The following HMX1 variants were observed in gnomAD, a reference collection of about 807,000 sequenced individuals.
HMX1 encodes the protein homeobox protein HMX1.
In HMX1, 8 loss-of-function variants were observed where a neutral mutation model predicts 8.9. The ratio of observed to expected loss-of-function variants is 0.90; its 90% CI spans 0.53 to 1.63. The LOEUF (loss-of-function observed/expected upper bound fraction) is 1.63. Ranked by LOEUF, HMX1 falls within the 40% of genes most tolerant of loss-of-function variation. HMX1 has a pLI of 0.00. For missense variants in HMX1, 621 were observed against 558.5 expected, an observed-to-expected ratio of 1.11 and a Z score of -1.13; for synonymous variants, 311 against 283.4, an observed-to-expected ratio of 1.10 and a Z score of -0.98.
rs944225993 is a variant in HMX1, at chr4:8,871,152, C to T, written c.394+69G>A. ...AACGGGCGGCGACGAGCCCGAAGTC[C>T]CCCAGCAAATGCGCAGGGAGGAAGT... is the stretch of plus-strand genomic sequence containing the variant. On this transcript the variant is annotated intron_variant, in intron 1 of 1. Coordinates refer to ENST00000400677, the MANE Select transcript of HMX1 (RefSeq NM_018942.3). The surrounding 1 kb of genome is among the most constrained non-coding windows in gnomAD (Gnocchi z 4.8). The T allele has an allele frequency of 7.7e-7, 1 of 1,296,788 alleles. No homozygotes were observed. Among genetic ancestry groups the T allele is most frequent in the Non-Finnish European group, 9.9e-7 (1 of 1,014,772 alleles). The allele number at this position is 1,296,788 out of a possible 1,614,324, so 80.3% of individuals were successfully genotyped here.
intron 1 of HMX1, chr4:8,858,586 C>T (rs1721690469): frequency 6.6e-6 from 1 of 152,162 alleles, no homozygotes; most frequent in Non-Finnish European, 1.5e-5. Flanking sequence ...GTCCCCTCGC[C>T]CGGACGTCAT....
rs1722168562 is a variant in HMX1, at chr4:8,870,261, G to A, written c.394+960C>T. ...GGCTAAGCCAGGGCTTGGGGGGTTGGACTGGCTTTCCTGGCCTTCCTCCCA... is the reference window on the plus strand; with the variant it reads ...GGCTAAGCCAGGGCTTGGGGGGTTGAACTGGCTTTCCTGGCCTTCCTCCCA... On this transcript the variant is annotated intron_variant, in intron 1 of 1. Transcript: ENST00000400677. The surrounding 1 kb of genome is among the most constrained non-coding windows in gnomAD (Gnocchi z 4.4). 1.3e-5 allele frequency among the ~76,000 whole-genome samples: 2 copies of A among 152,098 alleles called. No individual in the cohort carries two copies. Among genetic ancestry groups the A allele is most frequent in the South Asian group, 2.1e-4 (1 of 4,820 alleles).
In HMX1 at chr4:8,853,853, C is replaced by CA. The variant is rs369098152; in HGVS notation, c.395-7530dup. ...GGGCAACAAGAGCAAAATTCCATCT[C>CA]AAAAAAAAGGGGGGCGGGGGAAGAA... On this transcript the variant is annotated intron_variant, in intron 1 of 1. Transcript: ENST00000506970. This position sits in a 1 kb window ranked among gnomAD's most constrained non-coding sequence, Gnocchi z 4.7. Among the ~76,000 whole-genome samples, 3 of 151,134 alleles carry CA rather than the reference C, an allele frequency of 2.0e-5. No individual in the cohort carries two copies. The highest frequency in any genetic ancestry group is 1.9e-4 in the East Asian group (1 of 5,156).
Position 8,847,928 on chromosome 4 carries a change from T to TA in HMX1, c.395-1605dup, listed in dbSNP as rs1721325980. 6.6e-6 allele frequency among the ~76,000 whole-genome samples: 1 copy of TA among 152,162 alleles called. No homozygotes were observed. The highest frequency in any genetic ancestry group is 2.1e-4 in the South Asian group (1 of 4,826). ...TGAACTGGAATCAACGAGCCCCCTA[T>TA]ACTCCAGGCTTTACGGTAACTGGAA... is the stretch of plus-strand genomic sequence containing the variant. On this transcript the variant is annotated intron_variant, in intron 1 of 1. Coordinates refer to the HMX1 transcript ENST00000506970. The surrounding 1 kb of genome is among the most constrained non-coding windows in gnomAD (Gnocchi z 6.0).
intron 1 of HMX1, among the ~76,000 whole-genome samples, chr4:8,869,317 G>T (rs1403434466): frequency 6.6e-6 from 1 of 152,224 alleles, no homozygotes; most frequent in African/African-American, 2.4e-5. Context: ...CCAGATTGAA[G>T]AGGGCAGCAG....
At chr4:8,855,122 T>A (rs535444849) in intron 1 of HMX1, among the ~76,000 whole-genome samples, 1 of 152,192 alleles carries the variant, frequency 6.6e-6, no homozygotes, top group Admixed American at 6.5e-5. Flanking sequence ...GCAGTCCCTC[T>A]CCCCCGTGGA....
At chr4:8,863,306 G>A (rs1391159364), downstream of HMX1, among the ~76,000 whole-genome samples, 6 of 152,196 alleles carry the variant, frequency 3.9e-5, no homozygotes, top group Non-Finnish European at 8.8e-5. Context: ...TGCAAGGTGG[G>A]GCGGAAGGCC....
intron 1 of HMX1, among the ~76,000 whole-genome samples, chr4:8,850,636 C>T (rs1721417409): frequency 6.6e-6 from 1 of 152,226 alleles, no homozygotes; most frequent in Non-Finnish European, 1.5e-5. Context: ...CCCCATCCCA[C>T]CTCCTACCTG....
rs1302502286 is a variant in HMX1, at chr4:8,847,641, G to A, written c.395-1317C>T. On this transcript the variant is annotated intron_variant, in intron 1 of 1. Transcript: ENST00000506970. The surrounding 1 kb of genome is among the most constrained non-coding windows in gnomAD (Gnocchi z 6.0). ...CAGGGCCAAGGGCTCCCAGGTCACA[G>A]ATGTGGAAACAGCCTCCCGTGGAGC... Among the ~76,000 whole-genome samples, 1 of 152,228 alleles carries A rather than the reference G, an allele frequency of 6.6e-6. No individual in the cohort carries two copies. The highest frequency in any genetic ancestry group is 1.5e-5 in the Non-Finnish European group (1 of 68,042).
At position 8,853,658 on chromosome 4, in the gene HMX1, C is replaced by A. The variant is rs1168426358; in HGVS notation, c.395-7334G>T. ...CCTGAGGTCAGGAGTTCAAGACCAG[C>A]CTGACCAATATGATGAAACCCCGTC... On this transcript the variant is annotated intron_variant, in intron 1 of 1. Transcript: ENST00000506970. The surrounding 1 kb of genome is among the most constrained non-coding windows in gnomAD (Gnocchi z 4.7). Among the ~76,000 whole-genome samples the A allele has an allele frequency of 6.6e-6, 1 of 152,138 alleles. No homozygotes were observed. The highest frequency in any genetic ancestry group is 1.5e-5 in the Non-Finnish European group (1 of 68,026).
At chr4:8,864,137 T>C (rs1721917485), downstream of HMX1, among the ~76,000 whole-genome samples, 1 of 152,160 alleles carries the variant, frequency 6.6e-6, no homozygotes, top group African/African-American at 2.4e-5. Flanking sequence ...CCCTGGGAGC[T>C]GGGGAGGGAT....
rs200998374 is a variant in HMX1 at position 8,849,652 on chromosome 4, G to GT, written c.395-3329dup. On this transcript the variant is annotated intron_variant, in intron 1 of 1. Transcript: ENST00000506970. The surrounding 1 kb of genome is among the most constrained non-coding windows in gnomAD (Gnocchi z 6.6). ...ACACACGCAGGGCAGCTCTCCTGGGGTCCCCCCGGCCCCAGCGTGCGGTCT... is the reference window on the plus strand; with the variant it reads ...ACACACGCAGGGCAGCTCTCCTGGGGTTCCCCCCGGCCCCAGCGTGCGGTCT... Among the ~76,000 whole-genome samples, 1,593 of 152,324 alleles carry GT rather than the reference G, an allele frequency of 0.01. 33 individuals are homozygous for GT. Among genetic ancestry groups the GT allele is most frequent in the South Asian group, 0.08 (385 of 4,832 alleles).
intron 1 of HMX1, among the ~76,000 whole-genome samples, chr4:8,861,440 AAGTAGGG>A (rs1721814921): frequency 6.6e-6 from 1 of 152,092 alleles, no homozygotes; most frequent in South Asian, 2.1e-4. Flanking sequence ...GGCCGGTCAG[AAGTAGGG>A]AGAATCACGC....
chr4:8,863,068 A>T (rs553191261), downstream of HMX1, among the ~76,000 whole-genome samples: 5 of 151,934 alleles, frequency 3.3e-5, no homozygotes, highest in African/African-American at 1.2e-4. Context: ...CCCACTTCCC[A>T]GCGGGACCCT....
At chr4:8,851,886 T>G (rs1310385119) in intron 1 of HMX1, among the ~76,000 whole-genome samples, 1 of 152,198 alleles carries the variant, frequency 6.6e-6, no homozygotes, top group Non-Finnish European at 1.5e-5. Context: ...CCTCCGCTCA[T>G]GCCCCGAGGC....
In HMX1 at chr4:8,846,345, G is replaced by A. The variant is rs548571924; in HGVS notation, c.395-21C>T. The A allele has an allele frequency of 5.9e-6, 9 of 1,517,596 alleles. No homozygotes were observed. The African/African-American group carries it at 9.6e-5, about 16-fold the overall frequency. The allele number at this position is 1,517,596 out of a possible 1,614,324, so 94.0% of individuals were successfully genotyped here. A position where few individuals can be genotyped will look rare whatever the true frequency, so the allele number is the denominator to read the frequency against. On this transcript the variant is annotated intron_variant, in intron 1 of 1. Coordinates refer to the HMX1 transcript ENST00000506970. ...TGTGCCTGCAGGGGAGAAAAACCAG[G>A]TATTGGGAGCACTAGTCATGTCTGC...
In HMX1 at chr4:8,867,904, A is replaced by G. The variant is rs1471225245; in HGVS notation, c.836T>C (p.Leu279Pro). The G allele has an allele frequency of 7.1e-7, 1 of 1,404,502 alleles. No individual in the cohort carries two copies. The highest frequency in any genetic ancestry group is 9.3e-7 in the Non-Finnish European group (1 of 1,077,686). The allele number at this position is 1,404,502 out of a possible 1,614,324, so 87.0% of individuals were successfully genotyped here. A position where few individuals can be genotyped will look rare whatever the true frequency, so the allele number is the denominator to read the frequency against. ...ASLSPPGAQR[L>P]VRVPVLYHES... is the part of the protein sequence containing the mutation. ...GTGGTAGAGCACCGGCACGCGGACCAGGCGCTGCGCTCCCGGCGGGGACAG... is the reference window on the plus strand; with the variant it reads ...GTGGTAGAGCACCGGCACGCGGACCGGGCGCTGCGCTCCCGGCGGGGACAG... The change falls in exon 2 of 2, where the codon CTG becomes CCG. Residue 279 changes from leucine to proline, a missense_variant. Leu to Pro is a moderately conservative substitution (Grantham distance 98). Transcript: ENST00000400677.
At chr4:8,846,785 C>T (rs1053701560) in intron 1 of HMX1, among the ~76,000 whole-genome samples, 1 of 152,216 alleles carries the variant, frequency 6.6e-6, no homozygotes, top group African/African-American at 2.4e-5. Flanking sequence ...CCCAGAACCC[C>T]TTACCCTGGT....
chr4:8,867,296 G>C lies in HMX1; in HGVS notation c.*397C>G, dbSNP rs1312255625. On this transcript the variant is annotated 3_prime_UTR_variant, in exon 2 of 2. Transcript: ENST00000400677. ...GTGTTGGGGGCAGTCTGTGGGGACAGTCACCGCTCAGCCTTGGACAGCCGG... is the reference window on the plus strand; with the variant it reads ...GTGTTGGGGGCAGTCTGTGGGGACACTCACCGCTCAGCCTTGGACAGCCGG... The C allele has an allele frequency of 1.0e-6, 1 of 989,116 alleles. No individual in the cohort carries two copies. The highest frequency in any genetic ancestry group is 1.2e-6 in the Non-Finnish European group (1 of 832,648). 61.3% of individuals were successfully genotyped at this position (989,116 alleles called of 1,614,324 possible). A position where few individuals can be genotyped will look rare whatever the true frequency, so the allele number is the denominator to read the frequency against.
Sources: allele counts gnomAD v4.1 joint callset (sites outside exome capture counted in the v4.1 genomes callset), GRCh38; gene constraint gnomAD v4.1.1; non-coding constraint Gnocchi (gnomAD v3.1); transcripts MANE v1.5; gene names NCBI Gene and HGNC (gene_info 2026-07-23, HGNC 2026-07-21).